The following TXLNG variants were observed in gnomAD, a reference collection of about 807,000 sequenced individuals.
TXLNG encodes the protein gamma-taxilin.
Under a neutral mutation model 38.8 loss-of-function variants are expected in TXLNG, and 5 were observed. The ratio of observed to expected loss-of-function variants is 0.13; its 90% confidence interval spans 0.07 to 0.27. The LOEUF (loss-of-function observed/expected upper bound fraction) is 0.27, where lower values mean the gene tolerates loss of function less well. Among genes scored for constraint, TXLNG ranks in the 10% least tolerant of loss-of-function variants. The probability of loss-of-function intolerance (pLI) is 1.00; values close to 1 mark genes in which losing one functional copy is unlikely to be tolerated. For synonymous variants in TXLNG, 182 were observed against 158.2 expected, an observed-to-expected ratio of 1.15 and a Z score of -1.13; for missense variants, 393 against 398.2, an observed-to-expected ratio of 0.99 and a Z score of 0.11.
chrX:16,840,036 C>T, intron 9 of TXLNG, 120 bp downstream of exon 9: 1 of 513,945 alleles, frequency 1.9e-6, no homozygotes, highest in Admixed American at 3.9e-5. Context: ...GGACTCCAGC[C>T]CGCGTTGGGG....
intron 1 of TXLNG, among the ~76,000 whole-genome samples, chrX:16,809,345 G>GTT (rs56062713): frequency 0.43 from 31,921 of 74,296 alleles, 7,446 homozygotes; most frequent in Non-Finnish European, 0.57. Context: ...TCTTATAGTT[G>GTT]TTTTTTTTTT....
intron 7 of TXLNG, among the ~76,000 whole-genome samples, chrX:16,834,706 T>C (rs1266438068): frequency 3.6e-5 from 4 of 111,820 alleles, no homozygotes; most frequent in Non-Finnish European, 7.5e-5. Context: ...ACACTAAATT[T>C]CCCACTAAAG....
At chrX:16,787,850 C>T (rs1361130569) in intron 1 of TXLNG, among the ~76,000 whole-genome samples, 1 of 112,302 alleles carries the variant, frequency 8.9e-6, no homozygotes, top group East Asian at 2.8e-4. Flanking sequence ...TTTTCTAATG[C>T]AATTCATAAA....
intron 1 of TXLNG, among the ~76,000 whole-genome samples, chrX:16,799,821 C>T (rs1928020598): frequency 8.9e-6 from 1 of 111,772 alleles, no homozygotes. Flanking sequence ...TTTTTTATTC[C>T]TTTTTTTCAC....
chrX:16,832,903 AAG>A (rs1461141418), intron 6 of TXLNG, among the ~76,000 whole-genome samples, 161 bp downstream of exon 6: 1 of 112,227 alleles, frequency 8.9e-6, no homozygotes, highest in Non-Finnish European at 1.9e-5. Context: ...GTAGATTGAG[AAG>A]AGAGTATGTG....
chrX:16,815,261 C>T (rs1045322137), intron 1 of TXLNG, among the ~76,000 whole-genome samples: 6 of 110,826 alleles, frequency 5.4e-5, no homozygotes, highest in African/African-American at 9.9e-5. Context: ...CGGCAACCTC[C>T]GCCTCCCAGG....
chrX:16,816,389 G>A (rs932072050), intron 1 of TXLNG, among the ~76,000 whole-genome samples: 6 of 112,474 alleles, frequency 5.3e-5, no homozygotes, highest in African/African-American at 1.9e-4. Flanking sequence ...CCCAAGAGAC[G>A]AAGTCTCACT....
intron 1 of TXLNG, among the ~76,000 whole-genome samples, chrX:16,792,124 A>G (rs953459884): frequency 8.9e-6 from 1 of 112,008 alleles, no homozygotes; most frequent in Non-Finnish European, 1.9e-5. Flanking sequence ...TGTTTCATGC[A>G]CTGTGTTAGT....
intron 1 of TXLNG, among the ~76,000 whole-genome samples, chrX:16,809,591 G>A (rs760765231): frequency 2.7e-5 from 3 of 110,093 alleles, no homozygotes; most frequent in Admixed American, 9.8e-5. Context: ...TTATCTGCCC[G>A]CCTCAGCCTC....
At chrX:16,832,529 A>G in intron 5 of TXLNG, 94 bp from the exon 6 acceptor site, 1 of 1,100,515 alleles carries the variant, frequency 9.1e-7, no homozygotes, top group Non-Finnish European at 1.2e-6. Flanking sequence ...GCAGAACAGC[A>G]GGGTGAGCAG....
rs148542135 is a variant in TXLNG at position 16,841,455 on chromosome X, G to T, written c.1276G>T (p.Ala426Ser). The change falls in exon 10 of 10, where the codon GCC (alanine) becomes TCC (serine). Residue 426 changes from alanine to serine, a missense_variant. Coordinates refer to ENST00000380122, the MANE Select transcript of TXLNG (RefSeq NM_018360.3). ...EKTVRDKEYK[A>S]LQIKLERLEK... ...AACAGTCCGTGATAAAGAGTACAAG[G>T]CCCTTCAAATAAAACTGGAACGGTT... is the stretch of plus-strand genomic sequence containing the variant. 2.5e-6 allele frequency: 3 copies of T among 1,210,776 alleles called. No homozygotes were observed. Among genetic ancestry groups the T allele is most frequent in the Non-Finnish European group, 2.2e-6 (2 of 895,032 alleles).
intron 5 of TXLNG, among the ~76,000 whole-genome samples, chrX:16,830,830 CGTGTGT>C (rs1186714021): frequency 0.22 from 8,295 of 37,772 alleles, 884 homozygotes; most frequent in Middle Eastern, 0.32. Context: ...ACCGTAATTC[CGTGTGT>C]GTGTGTGTGT....
At position 16,815,004 on chromosome X, in the gene TXLNG, G is replaced by A. The variant is rs145552945; in HGVS notation, c.103-3570G>A. 4.9e-3 allele frequency among the ~76,000 whole-genome samples: 553 copies of A among 111,890 alleles called. 4 individuals are homozygous for A. Among genetic ancestry groups the A allele is most frequent in the African/African-American group, 0.017 (534 of 30,809 alleles). The stretch of plus-strand genomic sequence containing the variant: ...CCTCAGGGTTAGGACAGGCCTCAGG[G>A]TTTTCTTGGTGAAAATTATTTATGC... On this transcript the variant is annotated intron_variant, in intron 1 of 9. Coordinates refer to ENST00000380122, the MANE Select transcript of TXLNG (RefSeq NM_018360.3).
chrX:16,809,405 G>T (rs1449482337), intron 1 of TXLNG, among the ~76,000 whole-genome samples: 2 of 102,987 alleles, frequency 1.9e-5, no homozygotes. Context: ...GTGCAGTGGC[G>T]TGATCTCGGC....
At chrX:16,826,822 C>T (rs920794630) in intron 3 of TXLNG, among the ~76,000 whole-genome samples, 7 of 110,372 alleles carry the variant, frequency 6.3e-5, no homozygotes, top group Middle Eastern at 4.7e-3. Flanking sequence ...ATCCCAGCTA[C>T]TTGGGAGGCT....
intron 8 of TXLNG, 101 bp downstream of exon 8, chrX:16,837,786 G>A (rs1929646930): frequency 6.6e-6 from 4 of 607,294 alleles, no homozygotes; most frequent in Non-Finnish European, 9.6e-6. Flanking sequence ...TTATGATACT[G>A]TCTTCATTTT....
At chrX:16,816,412 C>G (rs939131804) in intron 1 of TXLNG, among the ~76,000 whole-genome samples, 3 of 112,953 alleles carry the variant, frequency 2.7e-5, no homozygotes, top group Admixed American at 9.4e-5. Flanking sequence ...ATTGCCCAGG[C>G]TGTCCTCAAA....
intron 1 of TXLNG, among the ~76,000 whole-genome samples, chrX:16,799,241 A>C (rs763730136): frequency 9.0e-6 from 1 of 111,085 alleles, no homozygotes; most frequent in African/African-American, 3.3e-5. Flanking sequence ...TTGTATATCC[A>C]TTCATCTGGC....
chrX:16,823,398 T>C (rs2147485953), intron 3 of TXLNG, among the ~76,000 whole-genome samples: 1 of 91,652 alleles, frequency 1.1e-5, no homozygotes, highest in African/African-American at 4.4e-5. Context: ...GCAGAGGTTG[T>C]GGTGAGCCGA....
Sources: gnomAD v4.1 joint callset for allele counts (sites outside exome capture counted in the v4.1 genomes callset) on GRCh38, gnomAD v4.1.1 for gene constraint, MANE v1.5 for transcripts, NCBI Gene and HGNC (gene_info 2026-07-23, HGNC 2026-07-21) for gene names.